Variants in FRMPD4 observed in about 807,000 individuals in gnomAD.
FRMPD4 encodes FERM and PDZ domain containing 4, also known as FERM and PDZ domain-containing protein 4.
FRMPD4 carries 22 observed loss-of-function variants against 94.1 expected under a neutral mutation model. That is an observed-to-expected ratio of 0.23 (90% CI 0.17 to 0.33). FRMPD4 has a LOEUF of 0.33. Among genes scored for constraint, FRMPD4 ranks in the 10% least tolerant of loss-of-function variants. The pLI is 1.00. For missense variants in FRMPD4, 1,111 were observed against 1,339.9 expected (o/e 0.83, Z 2.67); for synonymous variants, 631 against 548.6 (o/e 1.15, Z -2.10).
chrX:12,710,805 C>A (rs887294259), intron 14 of FRMPD4, among the ~76,000 whole-genome samples: 3 of 110,690 alleles, frequency 2.7e-5, no homozygotes, highest in African/African-American at 9.9e-5. Context: ...ATTCGGGAGG[C>A]TGAGGCAGGA....
chrX:12,039,566 ATTG>A (rs1369927502), intron 3 of FRMPD4, among the ~76,000 whole-genome samples: 13 of 110,929 alleles, frequency 1.2e-4, no homozygotes, highest in African/African-American at 3.9e-4. Context: ...ATTTAATTCC[ATTG>A]TTGTTGGAGA....
intron 1 of FRMPD4, among the ~76,000 whole-genome samples, chrX:12,243,198 TA>T (rs1424119901): frequency 2.7e-5 from 3 of 112,535 alleles, no homozygotes; most frequent in Non-Finnish European, 3.8e-5. Flanking sequence ...CCTGTTTCTG[TA>T]TGCTTCGTCA....
At chrX:12,034,305 G>A in intron 3 of FRMPD4, among the ~76,000 whole-genome samples, 1 of 112,170 alleles carries the variant, frequency 8.9e-6, no homozygotes, top group Admixed American at 9.4e-5. Flanking sequence ...TAGGGCTGCA[G>A]TGGTCGGGAT....
chrX:11,908,250 T>C (rs1253142592), intron 3 of FRMPD4, among the ~76,000 whole-genome samples: 1 of 112,139 alleles, frequency 8.9e-6, no homozygotes, highest in African/African-American at 3.2e-5. Flanking sequence ...TCCTTGCATG[T>C]GCAAGGAGAC....
At position 12,209,294 on chromosome X, in the gene FRMPD4, T is replaced by C. The variant is rs1378017861; in HGVS notation, c.41+70282T>C. 4.4e-5 allele frequency among the ~76,000 whole-genome samples: 5 copies of C among 112,552 alleles called. No individual in the cohort carries two copies. The East Asian group carries it at 1.1e-3, about 25-fold the overall frequency. On this transcript the variant is annotated intron_variant, in intron 1 of 16. Transcript: ENST00000675598. The stretch of plus-strand genomic sequence containing the variant: ...CATAGAATAGTAATATATTTAAAAG[T>C]ATGTTTTTGAGATTAACACTAATTT...
intron 3 of FRMPD4, among the ~76,000 whole-genome samples, chrX:12,063,957 T>C (rs959587615): frequency 8.9e-6 from 1 of 112,624 alleles, no homozygotes; most frequent in Non-Finnish European, 1.9e-5. Context: ...GATAAAGACA[T>C]CTAAATTCCA....
intron 1 of FRMPD4, chrX:12,341,475 T>C (rs1278395518): frequency 6.0e-6 from 1 of 166,419 alleles, no homozygotes; most frequent in Non-Finnish European, 1.2e-5. Context: ...TCCCAAACTA[T>C]TGTTATTGTT....
intron 1 of FRMPD4, among the ~76,000 whole-genome samples, chrX:12,235,940 G>A (rs781428261): frequency 1.4e-4 from 16 of 111,441 alleles, no homozygotes; most frequent in Non-Finnish European, 2.8e-4. Flanking sequence ...TGTAGCTCTT[G>A]GCACATGGCA....
At chrX:12,165,830 C>G (rs2056106292) in intron 1 of FRMPD4, among the ~76,000 whole-genome samples, 1 of 110,980 alleles carries the variant, frequency 9.0e-6, no homozygotes, top group South Asian at 3.9e-4. Context: ...TGGGAGTTCA[C>G]TCATGATTTG....
At chrX:11,989,945 AT>A (rs766617241) in intron 3 of FRMPD4, among the ~76,000 whole-genome samples, 1 of 111,963 alleles carries the variant, frequency 8.9e-6, no homozygotes, top group Admixed American at 9.5e-5. Context: ...ATACCCCGTG[AT>A]TCCACTCCTA....
At chrX:12,585,551 C>T (rs2058919661) in intron 2 of FRMPD4, among the ~76,000 whole-genome samples, 1 of 112,045 alleles carries the variant, frequency 8.9e-6, no homozygotes, top group Non-Finnish European at 1.9e-5. Flanking sequence ...TCTCCCATTC[C>T]ACCTGCAGCC....
chrX:12,199,422 C>T (rs2056606492), intron 1 of FRMPD4, among the ~76,000 whole-genome samples: 1 of 111,020 alleles, frequency 9.0e-6, no homozygotes, highest in Admixed American at 9.6e-5. Flanking sequence ...ATCTCGTTTA[C>T]TTGCCTGGCC....
intron 3 of FRMPD4, among the ~76,000 whole-genome samples, chrX:12,088,929 G>A (rs1815873746): frequency 1.8e-5 from 2 of 111,844 alleles, no homozygotes; most frequent in Admixed American, 1.9e-4. Context: ...GAAAAATGTA[G>A]AACATTAGCA....
intron 4 of FRMPD4, among the ~76,000 whole-genome samples, chrX:12,634,204 C>T (rs772446741): frequency 5.3e-4 from 60 of 112,208 alleles, no homozygotes; most frequent in Non-Finnish European, 8.5e-4. Flanking sequence ...AAATTATCAC[C>T]GTTAAACATC....
At chrX:12,506,077 T>C (rs2057981813) in intron 2 of FRMPD4, among the ~76,000 whole-genome samples, 1 of 111,635 alleles carries the variant, frequency 9.0e-6, no homozygotes, top group African/African-American at 3.3e-5. Context: ...TTGAGAAGGC[T>C]GGGAGAAACT....
At chrX:12,097,679 G>C (rs1410004856) in intron 3 of FRMPD4, among the ~76,000 whole-genome samples, 1 of 112,429 alleles carries the variant, frequency 8.9e-6, no homozygotes, top group African/African-American at 3.2e-5. Flanking sequence ...TAATGCAATG[G>C]TCTTTTGTGT....
upstream of FRMPD4, among the ~76,000 whole-genome samples, chrX:12,137,303 A>T (rs992968715): frequency 4.4e-5 from 5 of 112,898 alleles, no homozygotes; most frequent in Non-Finnish European, 7.5e-5. Context: ...CAGTTTTTGA[A>T]ATAAATGCTT....
intron 1 of FRMPD4, among the ~76,000 whole-genome samples, chrX:12,453,441 A>C (rs192767518): frequency 1.1e-3 from 127 of 112,030 alleles, no homozygotes; most frequent in Non-Finnish European, 1.6e-3. Context: ...AATAGGAAAA[A>C]AATTATGTCT....
chrX:12,672,015 T>G (rs1200936123), intron 4 of FRMPD4, among the ~76,000 whole-genome samples: 1 of 112,057 alleles, frequency 8.9e-6, no homozygotes, highest in Non-Finnish European at 1.9e-5. Flanking sequence ...ATTCCTCCTT[T>G]TTGCCTAGTT....
Sources: allele counts gnomAD v4.1 joint callset (sites outside exome capture counted in the v4.1 genomes callset), GRCh38; gene constraint gnomAD v4.1.1; transcripts MANE v1.5; gene names NCBI Gene and HGNC (gene_info 2026-07-23, HGNC 2026-07-21).